Variants in PPA2 observed in about 807,000 individuals in gnomAD.
The protein encoded by PPA2 is inorganic pyrophosphatase 2, mitochondrial.
In PPA2, 48 loss-of-function variants were observed where a neutral mutation model predicts 49.5. The observed-to-expected ratio is 0.97, with a 90% confidence interval of 0.77 to 1.23. PPA2 has a LOEUF of 1.23. Among genes scored for constraint, PPA2 ranks in the 50% most tolerant of loss-of-function variants. The pLI is 0.00. For missense variants in PPA2, 429 were observed against 410.1 expected, an observed-to-expected ratio of 1.05 and a Z score of -0.40; for synonymous variants, 131 against 139.9, an observed-to-expected ratio of 0.94 and a Z score of 0.45.
chr4:105,452,925 A>G (rs892278629), intron 3 of PPA2, among the ~76,000 whole-genome samples: 2 of 111,900 alleles, frequency 1.8e-5, no homozygotes, highest in Non-Finnish European at 3.9e-5. Flanking sequence ...GAATATATAT[A>G]TTTAGAATAT....
At chr4:105,454,763 C>G (rs541566658) in intron 2 of PPA2, among the ~76,000 whole-genome samples, 1 of 152,296 alleles carries the variant, frequency 6.6e-6, no homozygotes, top group East Asian at 1.9e-4. Context: ...CCAGAATTCA[C>G]TGGCATATCC....
At chr4:105,396,130 G>C (rs1734131492) in intron 9 of PPA2, 119 bp downstream of exon 9, 1 of 538,210 alleles carries the variant, frequency 1.9e-6, no homozygotes, top group South Asian at 3.6e-5. Flanking sequence ...CCAATGAATA[G>C]GTAGATAATC....
intron 7 of PPA2, among the ~76,000 whole-genome samples, chr4:105,415,596 C>T (rs1269835555): frequency 2.0e-5 from 3 of 152,156 alleles, no homozygotes; most frequent in African/African-American, 7.2e-5. Context: ...CCCAGGTCCA[C>T]AGCTGTGGCT....
In PPA2 at chr4:105,397,038, A is replaced by G. The variant is rs1277790936; in HGVS notation, c.784-704T>C. Among the ~76,000 whole-genome samples, 3 of 152,216 alleles carry G rather than the reference A, an allele frequency of 2.0e-5. No homozygotes were observed. In the East Asian group the frequency reaches 5.8e-4, roughly 29 times the overall value. On this transcript the variant is annotated intron_variant, in intron 8 of 11. Transcript: ENST00000341695. ...TAGATATACCTCTTGTTGGATATAC[A>G]TCCAGTAAGAATATCTAAGGAAAAC...
intron 7 of PPA2, chr4:105,405,866 G>A (rs1243344375): frequency 2.2e-6 from 1 of 456,266 alleles, no homozygotes; most frequent in Non-Finnish European, 4.4e-6. Context: ...CAGGCAGGTA[G>A]GACAGGCTGG....
At chr4:105,440,256 TC>T (rs1021605139) in intron 5 of PPA2, among the ~76,000 whole-genome samples, 28 of 151,714 alleles carry the variant, frequency 1.8e-4, no homozygotes, top group African/African-American at 4.1e-4. Context: ...AATAGGAAGA[TC>T]TTTTTTTCTT....
At chr4:105,441,603 A>G (rs889168979) in intron 5 of PPA2, among the ~76,000 whole-genome samples, 4 of 152,084 alleles carry the variant, frequency 2.6e-5, no homozygotes, top group African/African-American at 9.7e-5. Flanking sequence ...TAGTTATACA[A>G]CTCAAAATTT....
At chr4:105,433,461 G>A (rs139740081) in intron 6 of PPA2, among the ~76,000 whole-genome samples, 1 of 152,324 alleles carries the variant, frequency 6.6e-6, no homozygotes, top group Non-Finnish European at 1.5e-5. Context: ...TGGCTCTGGA[G>A]ATGGAAAATG....
intron 5 of PPA2, among the ~76,000 whole-genome samples, chr4:105,440,418 C>T (rs1419000357): frequency 6.6e-6 from 1 of 152,016 alleles, no homozygotes; most frequent in Non-Finnish European, 1.5e-5. Context: ...CCCACCACCA[C>T]CCTAGCTAAT....
intron 8 of PPA2, 135 bp downstream of exon 8, chr4:105,398,902 T>A (rs1449565542): frequency 2.7e-6 from 2 of 741,962 alleles, no homozygotes; most frequent in Non-Finnish European, 4.0e-6. Context: ...ATAATGTTTT[T>A]AAATATGTAA....
rs200665911 is a variant in PPA2 at position 105,464,727 on chromosome 4, CTT to C, written c.158-7984_158-7983del. 5.0e-3 allele frequency among the ~76,000 whole-genome samples: 760 copies of C among 152,266 alleles called. 10 individuals are homozygous for C. Among genetic ancestry groups the C allele is most frequent in the African/African-American group, 0.017 (716 of 41,542 alleles). ...GGGGGAGTTTCCCTGCACTAGCTCT[CTT>C]GTCTGCCACCATATGATACATGCCC... is the stretch of plus-strand genomic sequence containing the variant. On this transcript the variant is annotated intron_variant, in intron 1 of 11. Coordinates refer to ENST00000341695, the MANE Select transcript of PPA2 (RefSeq NM_176869.3).
chr4:105,424,463 CAA>C, intron 6 of PPA2, 141 bp from the exon 7 acceptor site: 1 of 772,578 alleles, frequency 1.3e-6, no homozygotes, highest in East Asian at 3.3e-5. Context: ...TGAAAATAGC[CAA>C]AGTCTGCCTT....
At chr4:105,473,391 A>G (rs1723608174) in intron 1 of PPA2, 1 of 359,376 alleles carries the variant, frequency 2.8e-6, no homozygotes, top group Admixed American at 3.5e-5. Context: ...CCAAAAAAAG[A>G]AGACGCGCTG....
intron 6 of PPA2, among the ~76,000 whole-genome samples, chr4:105,437,644 A>C (rs1724125992): frequency 6.6e-6 from 1 of 152,188 alleles, no homozygotes; most frequent in Admixed American, 6.5e-5. Flanking sequence ...AGACTATACA[A>C]TCTCTGCTAC....
chr4:105,415,490 A>G (rs1327287886), intron 7 of PPA2, among the ~76,000 whole-genome samples: 1 of 152,164 alleles, frequency 6.6e-6, no homozygotes, highest in Admixed American at 6.5e-5. Flanking sequence ...CTTCACTCCA[A>G]AATCAGAGTG....
intron 6 of PPA2, among the ~76,000 whole-genome samples, chr4:105,437,244 T>C (rs1258339695): frequency 7.7e-6 from 1 of 129,806 alleles, no homozygotes; most frequent in African/African-American, 2.7e-5. Flanking sequence ...TTGAAAGTTT[T>C]TATGTGCTGG....
chr4:105,442,771 A>C (rs1056131492), intron 5 of PPA2, among the ~76,000 whole-genome samples: 7 of 152,202 alleles, frequency 4.6e-5, no homozygotes, highest in Admixed American at 2.0e-4. Flanking sequence ...AAGTGGATAG[A>C]CTACTACTTA....
rs745579002 is a variant in PPA2, at chr4:105,369,717, T to C, written c.*8A>G. On this transcript the variant is annotated 3_prime_UTR_variant, in exon 12 of 12. Transcript: ENST00000341695. The stretch of plus-strand genomic sequence containing the variant: ...GGAATCTTGACAGCAGAATTTCAGA[T>C]GTTTCAATCACTTGCCAAGGAAGTG... 1 of 1,583,268 alleles carries C rather than the reference T, an allele frequency of 6.3e-7. No individual in the cohort carries two copies. Among genetic ancestry groups the C allele is most frequent in the South Asian group, 1.1e-5 (1 of 90,426 alleles).
intron 9 of PPA2, among the ~76,000 whole-genome samples, chr4:105,390,572 C>A (rs1733873185): frequency 6.6e-6 from 1 of 152,182 alleles, no homozygotes; most frequent in Admixed American, 6.5e-5. Context: ...CATCACTGAT[C>A]ATTAGAGAAA....
Sources: allele counts gnomAD v4.1 joint callset (sites outside exome capture counted in the v4.1 genomes callset), GRCh38; gene constraint gnomAD v4.1.1; transcripts MANE v1.5; gene names NCBI Gene and HGNC (gene_info 2026-07-23, HGNC 2026-07-21).